NUDT9: variants seen among roughly 807,000 people sequenced by gnomAD.
The protein encoded by NUDT9 is nudix hydrolase 9.
NUDT9 carries 31 observed loss-of-function variants against 41.0 expected under a neutral mutation model. The ratio of observed to expected loss-of-function variants is 0.76; its 90% CI spans 0.57 to 1.02. The LOEUF (loss-of-function observed/expected upper bound fraction) is 1.02, where lower values mean the gene tolerates loss of function less well. Ranked by LOEUF, NUDT9 falls within the 50% of genes least tolerant of loss-of-function variation. The pLI is 0.00. For missense variants in NUDT9, 380 were observed against 431.4 expected, an observed-to-expected ratio of 0.88 and a Z score of 1.06; for synonymous variants, 146 against 147.6, an observed-to-expected ratio of 0.99 and a Z score of 0.08.
chr4:87,447,545 G>C (rs1000067760), intron 4 of NUDT9, among the ~76,000 whole-genome samples: 2 of 150,586 alleles, frequency 1.3e-5, no homozygotes, highest in African/African-American at 4.9e-5. Context: ...AATTGGGCTA[G>C]AGGTTGATAT....
chr4:87,430,598 T>G (rs962548852), intron 1 of NUDT9, among the ~76,000 whole-genome samples: 1 of 152,084 alleles, frequency 6.6e-6, no homozygotes, highest in African/African-American at 2.4e-5. Context: ...ATACTTATTT[T>G]CTGTATTGTT....
In NUDT9 at chr4:87,431,025, G is replaced by A. The variant is rs577517925; in HGVS notation, c.108-3956G>A. Among the ~76,000 whole-genome samples, 15 of 152,134 alleles carry A rather than the reference G, an allele frequency of 9.9e-5. 2 individuals carry two copies. Among genetic ancestry groups the A allele is most frequent in the East Asian group, 7.7e-4 (4 of 5,176 alleles). On this transcript the variant is annotated intron_variant, in intron 1 of 7. Coordinates refer to ENST00000302174, the MANE Select transcript of NUDT9 (RefSeq NM_024047.5). The stretch of plus-strand genomic sequence containing the variant: ...GAAAATCATCACCAAATCCAGTGTC[G>A]TGAAATTTTGTCAGCATGTGTTCCT...
intron 1 of NUDT9, among the ~76,000 whole-genome samples, chr4:87,426,960 CAA>C (rs764275877): frequency 3.0e-5 from 4 of 132,490 alleles, no homozygotes; most frequent in Non-Finnish European, 1.6e-5. Flanking sequence ...AAAACTAAAC[CAA>C]AAAAAAAAAA....
At chr4:87,451,506 A>G (rs2110189064) in intron 5 of NUDT9, 83 bp from the exon 6 acceptor site, 2 of 1,066,844 alleles carry the variant, frequency 1.9e-6, no homozygotes, top group Non-Finnish European at 2.7e-6. Context: ...TGAATAATAA[A>G]TGTTCACTCT....
chr4:87,442,209 A>G (rs1167935404), intron 4 of NUDT9, among the ~76,000 whole-genome samples: 2 of 152,228 alleles, frequency 1.3e-5, no homozygotes, highest in African/African-American at 2.4e-5. Context: ...GCTATAGCCT[A>G]TTGCTCTTAG....
intron 1 of NUDT9, among the ~76,000 whole-genome samples, chr4:87,425,393 T>C (rs1008157591): frequency 6.4e-5 from 4 of 62,272 alleles, no homozygotes; most frequent in African/African-American, 1.9e-4. Flanking sequence ...TTCTTTTCCT[T>C]TTTTTTTTTT....
Position 87,457,457 on chromosome 4 carries a change from G to A in NUDT9, c.875-386G>A, listed in dbSNP as rs190137245. 3.4e-3 allele frequency among the ~76,000 whole-genome samples: 515 copies of A among 151,858 alleles called. 3 individuals carry two copies. Among genetic ancestry groups the A allele is most frequent in the Admixed American group, 5.4e-3 (83 of 15,244 alleles). ...TCACCATGTTGGCCAGGCTGGTCTC[G>A]AACTCCTGACCTCAGGTGATCTACC... On this transcript the variant is annotated intron_variant, in intron 7 of 7. Transcript: ENST00000302174.
intron 2 of NUDT9, among the ~76,000 whole-genome samples, chr4:87,437,744 C>G (rs1722018143): frequency 6.6e-6 from 1 of 152,102 alleles, no homozygotes; most frequent in Non-Finnish European, 1.5e-5. Context: ...AGAACATTTC[C>G]AGCATAGTAT....
Position 87,441,859 on chromosome 4 carries a change from C to G in NUDT9, c.474C>G (p.Gly158=). Residue 158 remains glycine, a synonymous_variant, in exon 4 of 8, where the codon GGC becomes GGG. Coordinates refer to ENST00000302174, the MANE Select transcript of NUDT9 (RefSeq NM_024047.5). ...CTGCAGGACGGACTGGACTGGTGGGCCGGGGGCTTTTGGGGCGATGGGGCC... is the reference window on the plus strand; with the variant it reads ...CTGCAGGACGGACTGGACTGGTGGGGCGGGGGCTTTTGGGGCGATGGGGCC... ...RNPAGRTGLV[G]RGLLGRWGPN... 9.9e-6 allele frequency: 16 copies of G among 1,613,552 alleles called. No homozygotes were observed. Among genetic ancestry groups the G allele is most frequent in the Non-Finnish European group, 1.3e-5 (15 of 1,179,842 alleles).
intron 2 of NUDT9, 78 bp from the exon 3 acceptor site, chr4:87,438,199 A>G (rs1479585393): frequency 1.3e-6 from 1 of 749,684 alleles, no homozygotes; most frequent in Non-Finnish European, 2.3e-6. Context: ...CTTATGGATA[A>G]CAGATTGACT....
chr4:87,428,726 A>C (rs530677493), intron 1 of NUDT9, among the ~76,000 whole-genome samples: 1 of 152,192 alleles, frequency 6.6e-6, no homozygotes, highest in Non-Finnish European at 1.5e-5. Flanking sequence ...GAGGACTTTA[A>C]AAAATAGTCA....
intron 4 of NUDT9, among the ~76,000 whole-genome samples, chr4:87,448,873 AAGT>A (rs1357593060): frequency 1.3e-5 from 2 of 152,220 alleles, no homozygotes; most frequent in African/African-American, 4.8e-5. Flanking sequence ...TTAATACTTT[AAGT>A]AGTAAAAATT....
At chr4:87,428,372 C>T in intron 1 of NUDT9, among the ~76,000 whole-genome samples, 1 of 152,174 alleles carries the variant, frequency 6.6e-6, no homozygotes, top group East Asian at 1.9e-4. Flanking sequence ...CAATCACACT[C>T]TTTGGTATTT....
intron 4 of NUDT9, 57 bp downstream of exon 4, chr4:87,441,972 A>G (rs575455531): frequency 8.1e-7 from 1 of 1,233,446 alleles, no homozygotes; most frequent in Non-Finnish European, 1.1e-6. Context: ...GAAAAATTGC[A>G]GACTGTAGCT....
chr4:87,436,720 A>T (rs1247446753), intron 2 of NUDT9, among the ~76,000 whole-genome samples: 1 of 152,176 alleles, frequency 6.6e-6, no homozygotes, highest in African/African-American at 2.4e-5. Context: ...TAGATGGCAG[A>T]TTGGCTAGAA....
rs147874067 is a variant in NUDT9, at chr4:87,424,254, G to GTTTT, written c.107+1262_107+1265dup. The stretch of plus-strand genomic sequence containing the variant: ...TAGGAATAGCATTTCTCCCTAATGC[G>GTTTT]TTTTTTTTTTTTTTTTTTTTTTTGA... On this transcript the variant is annotated intron_variant, in intron 1 of 7. Transcript: ENST00000302174. Among the ~76,000 whole-genome samples the GTTTT allele has an allele frequency of 5.2e-3, 514 of 99,128 alleles. 13 individuals carry two copies. The highest frequency in any genetic ancestry group is 0.011 in the African/African-American group (268 of 23,434). 65.0% of individuals were successfully genotyped at this position (99,128 alleles called of 152,430 possible).
chr4:87,433,131 T>G (rs1024561794), intron 1 of NUDT9, among the ~76,000 whole-genome samples: 11 of 152,214 alleles, frequency 7.2e-5, no homozygotes, highest in Admixed American at 1.3e-4. Context: ...TGGTCCTGGG[T>G]TTTTCTTTGT....
intron 4 of NUDT9, among the ~76,000 whole-genome samples, 166 bp downstream of exon 4, chr4:87,442,081 C>T (rs1578073850): frequency 1.3e-5 from 2 of 151,986 alleles, no homozygotes; most frequent in Non-Finnish European, 1.5e-5. Context: ...AATGAGGACA[C>T]GTTCTGAGAA....
At chr4:87,456,763 T>C (rs1175966670) in intron 7 of NUDT9, among the ~76,000 whole-genome samples, 11 of 152,076 alleles carry the variant, frequency 7.2e-5, no homozygotes, top group African/African-American at 2.7e-4. Context: ...GTGTGGTCTC[T>C]ACTAAGAATA....
Sources: gnomAD v4.1 joint callset for allele counts (sites outside exome capture counted in the v4.1 genomes callset) on GRCh38, gnomAD v4.1.1 for gene constraint, MANE v1.5 for transcripts, NCBI Gene and HGNC (gene_info 2026-07-23, HGNC 2026-07-21) for gene names.